The following SENP7 variants were observed in gnomAD, a reference collection of about 807,000 sequenced individuals.
SENP7 encodes sentrin-specific protease 7.
Under a neutral mutation model 141.2 loss-of-function variants are expected in SENP7, and 64 were observed. The ratio of observed to expected loss-of-function variants is 0.45; its 90% CI spans 0.37 to 0.56. SENP7 has a LOEUF of 0.56. Among genes scored for constraint, SENP7 ranks in the 20% least tolerant of loss-of-function variants. The pLI is 0.00. For synonymous variants in SENP7, 382 were observed against 426.4 expected (o/e 0.90, Z 1.28); for missense variants, 1,025 against 1,212.2 (o/e 0.85, Z 2.29).
chr3:101,385,138 ATG>A (rs1250509822), intron 6 of SENP7, among the ~76,000 whole-genome samples: 1 of 152,072 alleles, frequency 6.6e-6, no homozygotes. Context: ...ATATATGGAG[ATG>A]TGTGTGTGTG....
intron 1 of SENP7, among the ~76,000 whole-genome samples, chr3:101,505,197 G>A (rs1424658004): frequency 6.6e-6 from 1 of 152,190 alleles, no homozygotes; most frequent in Non-Finnish European, 1.5e-5. Flanking sequence ...AGACTTGGAA[G>A]GCTAGGAGCA....
Position 101,510,643 on chromosome 3 carries a change from A to C in SENP7, c.40+2448T>G, listed in dbSNP as rs2065813999. 4.6e-5 allele frequency among the ~76,000 whole-genome samples: 7 copies of C among 152,104 alleles called. 2 individuals carry two copies. Among genetic ancestry groups the C allele is most frequent in the Admixed American group, 4.6e-4 (7 of 15,254 alleles). ...CGAGGCAAGTGGATCACCTGAGCTC[A>C]GGAGTTTGAGACCAGCCTGGCCAAC... is the stretch of plus-strand genomic sequence containing the variant. On this transcript the variant is annotated intron_variant, in intron 1 of 23. Transcript: ENST00000394095.
At chr3:101,394,124 C>T (rs929926674) in intron 6 of SENP7, among the ~76,000 whole-genome samples, 2 of 152,128 alleles carry the variant, frequency 1.3e-5, no homozygotes, top group African/African-American at 4.8e-5. Context: ...ACTTCCCAGC[C>T]TCTAGTGTTT....
At position 101,361,823 on chromosome 3, in the gene SENP7, C is replaced by T. The variant is rs2107350455; in HGVS notation, c.1515G>A (p.Glu505=). ...TACTAGGCATAATACTGGAAATGTT[C>T]TCCATGACAGGATTATATGGGCATA... is the stretch of plus-strand genomic sequence containing the variant. The part of the protein sequence containing the change: ...SELCPYNPVM[E]NISSIMPSNE... Residue 505 remains glutamate, a synonymous_variant, in exon 11 of 24, where the codon GAG becomes GAA. Transcript: ENST00000394095. The T allele has an allele frequency of 6.2e-7, 1 of 1,606,098 alleles. No homozygotes were observed.
At chr3:101,413,840 A>G (rs2061524004) in intron 5 of SENP7, among the ~76,000 whole-genome samples, 1 of 152,180 alleles carries the variant, frequency 6.6e-6, no homozygotes, top group Non-Finnish European at 1.5e-5. Context: ...TACATTGTGA[A>G]TATGGAGGAA....
chr3:101,509,436 A>G (rs553039909), intron 1 of SENP7, among the ~76,000 whole-genome samples: 2 of 151,894 alleles, frequency 1.3e-5, no homozygotes, highest in Admixed American at 6.6e-5. Flanking sequence ...AAAGGCTAAC[A>G]TTTTTTTTAC....
intron 6 of SENP7, among the ~76,000 whole-genome samples, chr3:101,388,432 T>C (rs979728632): frequency 6.6e-6 from 1 of 152,204 alleles, no homozygotes; most frequent in East Asian, 1.9e-4. Flanking sequence ...TAATGCCCAT[T>C]CAGACAGAAT....
intron 3 of SENP7, among the ~76,000 whole-genome samples, chr3:101,465,698 G>C (rs1346066841): frequency 6.6e-6 from 1 of 151,936 alleles, no homozygotes; most frequent in African/African-American, 2.4e-5. Context: ...AACAGCTGTT[G>C]AAATAAACAC....
At chr3:101,422,459 A>T (rs899129017) in intron 4 of SENP7, among the ~76,000 whole-genome samples, 1 of 152,194 alleles carries the variant, frequency 6.6e-6, no homozygotes, top group Non-Finnish European at 1.5e-5. Flanking sequence ...TGAACTGTTT[A>T]CCTTTTAGTC....
intron 5 of SENP7, among the ~76,000 whole-genome samples, chr3:101,408,059 G>C (rs982998283): frequency 1.6e-4 from 25 of 151,926 alleles, no homozygotes; most frequent in African/African-American, 5.8e-4. Flanking sequence ...AAAGAGGAGA[G>C]AAAATCCAAA....
intron 6 of SENP7, among the ~76,000 whole-genome samples, chr3:101,390,219 CAAAAAA>C (rs563281627): frequency 2.7e-5 from 2 of 73,842 alleles, no homozygotes; most frequent in Admixed American, 1.6e-4. Flanking sequence ...GACTCTGTCT[CAAAAAA>C]AAAAAAAAAA....
chr3:101,394,002 TATACA>T (rs1291675111), intron 6 of SENP7, among the ~76,000 whole-genome samples: 1 of 152,224 alleles, frequency 6.6e-6, no homozygotes, highest in Non-Finnish European at 1.5e-5. Context: ...TATTTTAAAA[TATACA>T]ATGCACTACA....
At chr3:101,387,306 C>T (rs2060685740) in intron 6 of SENP7, among the ~76,000 whole-genome samples, 1 of 152,144 alleles carries the variant, frequency 6.6e-6, no homozygotes, top group African/African-American at 2.4e-5. Flanking sequence ...TGACAATAGG[C>T]CTACCCCACC....
intron 3 of SENP7, among the ~76,000 whole-genome samples, chr3:101,461,455 G>A (rs747009066): frequency 2.0e-5 from 3 of 152,006 alleles, no homozygotes; most frequent in Non-Finnish European, 2.9e-5. Flanking sequence ...CCACTAGGAT[G>A]AAGAATGAAG....
At chr3:101,373,594 T>C (rs1017521708) in intron 6 of SENP7, among the ~76,000 whole-genome samples, 2 of 152,162 alleles carry the variant, frequency 1.3e-5, no homozygotes, top group Non-Finnish European at 2.9e-5. Context: ...GTAAATCACA[T>C]TAAAAGTTAT....
Position 101,341,749 on chromosome 3 carries a change from A to C in SENP7, c.2137T>G (p.Tyr713Asp). ...PSNTDAAKPT[Y>D]TFLQKQSSGC... Reference sequence around the variant, plus strand: ...CTACTTTGCTTCTGCAGGAAGGTGTAAGTAGGCTTGGCCGCATCTGTGTTT... The same window carrying C: ...CTACTTTGCTTCTGCAGGAAGGTGTCAGTAGGCTTGGCCGCATCTGTGTTT... Residue 713 changes from tyrosine to aspartate, a missense_variant, in exon 15 of 24, where the codon TAC becomes GAC. Around this residue, in one of 4 missense-constraint regions of SENP7, gnomAD observed 295 missense variants for 459.1 expected, o/e 0.64. Coordinates refer to ENST00000394095, the MANE Select transcript of SENP7 (RefSeq NM_020654.5). 6.2e-7 allele frequency: 1 copy of C among 1,610,128 alleles called. No individual in the cohort carries two copies.
rs753601545 is a variant in SENP7, at chr3:101,330,364, C to T, written c.2721G>A (p.Ser907=). ...KTIDNDLRTT[S]TLSLSAEDSQ... Reference sequence around the variant, plus strand: ...AATCCTCTGCACTCAAAGACAGTGTCGAAGTAGTACGTAGATCATTATCTA... The same window carrying T: ...AATCCTCTGCACTCAAAGACAGTGTTGAAGTAGTACGTAGATCATTATCTA... Residue 907 remains serine (S), a synonymous_variant, in exon 20 of 24, where the codon TCG becomes TCA. Coordinates refer to ENST00000394095, the MANE Select transcript of SENP7 (RefSeq NM_020654.5). 73 of 1,607,574 alleles carry T rather than the reference C, an allele frequency of 4.5e-5. No homozygotes were observed. Among genetic ancestry groups the T allele is most frequent in the Non-Finnish European group, 5.4e-5 (63 of 1,174,828 alleles).
intron 2 of SENP7, among the ~76,000 whole-genome samples, chr3:101,500,277 C>A (rs1576539321): frequency 6.6e-6 from 1 of 152,152 alleles, no homozygotes; most frequent in East Asian, 1.9e-4. Flanking sequence ...CTCTATATGC[C>A]AGGTATGGTG....
intron 17 of SENP7, among the ~76,000 whole-genome samples, chr3:101,336,441 T>A (rs566363225): frequency 1.7e-4 from 26 of 152,286 alleles, no homozygotes; most frequent in African/African-American, 6.0e-4. Flanking sequence ...AGTTAAAAGG[T>A]AAAGATTTAA....
Sources: allele counts gnomAD v4.1 joint callset (sites outside exome capture counted in the v4.1 genomes callset), GRCh38; gene constraint gnomAD v4.1.1; regional missense constraint gnomAD v4.1.1; transcripts MANE v1.5; gene names NCBI Gene and HGNC (gene_info 2026-07-23, HGNC 2026-07-21).